NOL10: variants seen among roughly 807,000 people sequenced by gnomAD.
The protein encoded by NOL10 is H_NH0074G24.1.
Under a neutral mutation model 103.5 loss-of-function variants are expected in NOL10, and 58 were observed. That is an observed-to-expected ratio of 0.56 (90% CI 0.45 to 0.70). The LOEUF (loss-of-function observed/expected upper bound fraction) is 0.70. Ranked by LOEUF, NOL10 falls within the 30% of genes least tolerant of loss-of-function variation. The pLI, the probability that NOL10 is intolerant of heterozygous loss-of-function variation, is 0.00. For synonymous variants in NOL10, 287 were observed against 282.5 expected (o/e 1.02, Z -0.16); for missense variants, 763 against 807.3 (o/e 0.95, Z 0.67).
At chr2:10,578,478 A>T (rs1434001904) in intron 19 of NOL10, among the ~76,000 whole-genome samples, 1 of 152,104 alleles carries the variant, frequency 6.6e-6, no homozygotes, top group African/African-American at 2.4e-5. Context: ...ATCTCATTTC[A>T]TTTCTTGATC....
chr2:10,597,097 A>G (rs1036906230), intron 17 of NOL10, among the ~76,000 whole-genome samples: 1 of 152,162 alleles, frequency 6.6e-6, no homozygotes, highest in African/African-American at 2.4e-5. Context: ...AGCCACCCAA[A>G]GTATTGGGAA....
chr2:10,605,673 C>T (rs1317885513), intron 14 of NOL10, among the ~76,000 whole-genome samples: 5 of 151,822 alleles, frequency 3.3e-5, no homozygotes, highest in African/African-American at 9.7e-5. Context: ...TTTAAAAAAT[C>T]CATAAAAGAA....
chr2:10,586,850 T>C (rs1166711085), intron 19 of NOL10, among the ~76,000 whole-genome samples: 1 of 151,382 alleles, frequency 6.6e-6, no homozygotes, highest in East Asian at 1.9e-4. Context: ...ACATACAAAA[T>C]ATGTGGTAAT....
chr2:10,617,257 G>A (rs1023048643), intron 13 of NOL10, among the ~76,000 whole-genome samples: 16 of 152,152 alleles, frequency 1.1e-4, no homozygotes, highest in Non-Finnish European at 5.9e-5. Context: ...GCATGTTTGT[G>A]GATCAGTAAA....
intron 2 of NOL10, among the ~76,000 whole-genome samples, chr2:10,683,392 G>A (rs1222947146): frequency 1.3e-5 from 2 of 152,130 alleles, no homozygotes; most frequent in Non-Finnish European, 2.9e-5. Context: ...AACCCTACAT[G>A]TAAAATTCCT....
At chr2:10,634,375 T>C (rs1678047576) in intron 13 of NOL10, among the ~76,000 whole-genome samples, 1 of 152,110 alleles carries the variant, frequency 6.6e-6, no homozygotes, top group South Asian at 2.1e-4. Context: ...GCTCTAAGCC[T>C]AGACAGCCGA....
At chr2:10,655,339 G>A (rs1679773427) in intron 11 of NOL10, among the ~76,000 whole-genome samples, 1 of 152,088 alleles carries the variant, frequency 6.6e-6, no homozygotes, top group Non-Finnish European at 1.5e-5. Context: ...ACCAATCAGA[G>A]GAGAGAGATG....
intron 19 of NOL10, among the ~76,000 whole-genome samples, chr2:10,588,585 A>C (rs1675235761): frequency 6.6e-6 from 1 of 152,226 alleles, no homozygotes; most frequent in South Asian, 2.1e-4. Flanking sequence ...AAGAAGCAGA[A>C]AAGTTGTCAT....
intron 4 of NOL10, 121 bp downstream of exon 4, chr2:10,675,673 A>G (rs1020652370): frequency 1.7e-6 from 1 of 595,216 alleles, no homozygotes; most frequent in Admixed American, 3.2e-5. Flanking sequence ...TCGGGATTGT[A>G]GTACAGTAAT....
rs573282506 is a variant in NOL10 at position 10,689,952 on chromosome 2, G to A, written c.-91C>T. On this transcript the variant is annotated 5_prime_UTR_variant, in exon 1 of 21. Coordinates refer to ENST00000381685, the MANE Select transcript of NOL10 (RefSeq NM_024894.4). ...CGGGACCTCCGAGCCCCTGCTCCGCGGCGTGCGGCCGCTGGCGCCGACTGA... is the reference window on the plus strand; with the variant it reads ...CGGGACCTCCGAGCCCCTGCTCCGCAGCGTGCGGCCGCTGGCGCCGACTGA... The A allele has an allele frequency of 1.1e-4, 141 of 1,262,642 alleles. No individual in the cohort carries two copies. In the African/African-American group the frequency reaches 1.9e-3, roughly 17 times the overall value. 78.2% of individuals were successfully genotyped at this position (1,262,642 alleles called of 1,614,324 possible).
intron 16 of NOL10, among the ~76,000 whole-genome samples, chr2:10,601,837 G>T (rs534460913): frequency 6.6e-6 from 1 of 152,226 alleles, no homozygotes; most frequent in South Asian, 2.1e-4. Context: ...TCTTTTAACA[G>T]TCTGGAAAAA....
intron 12 of NOL10, among the ~76,000 whole-genome samples, chr2:10,651,429 A>G (rs1250576065): frequency 6.6e-6 from 1 of 152,134 alleles, no homozygotes; most frequent in African/African-American, 2.4e-5. Flanking sequence ...TAAAAATGGT[A>G]AAATTAATTT....
chr2:10,591,459 G>A lies in NOL10; in HGVS notation c.1423-1708C>T, dbSNP rs112345896. Among the ~76,000 whole-genome samples, 937 of 152,278 alleles carry A rather than the reference G, an allele frequency of 6.2e-3. 11 individuals are homozygous for A. Among genetic ancestry groups the A allele is most frequent in the African/African-American group, 0.021 (875 of 41,544 alleles). On this transcript the variant is annotated intron_variant, in intron 17 of 20. Transcript: ENST00000381685. ...ATCTGAAGAAACAGCATTTCCAGCC[G>A]ATGGGAGTGGTGAATAGTCTGGCGA... is the stretch of plus-strand genomic sequence containing the variant.
intron 17 of NOL10, among the ~76,000 whole-genome samples, chr2:10,596,453 G>A (rs919806046): frequency 1.3e-5 from 2 of 152,144 alleles, no homozygotes; most frequent in East Asian, 3.8e-4. Flanking sequence ...ATGAGAGACA[G>A]TGACAGATCA....
At chr2:10,605,906 A>G (rs1037523286) in intron 14 of NOL10, among the ~76,000 whole-genome samples, 2 of 152,224 alleles carry the variant, frequency 1.3e-5, no homozygotes, top group Non-Finnish European at 2.9e-5. Flanking sequence ...AGGAAGTTTA[A>G]TTAATCTAAT....
In NOL10 at chr2:10,589,016, A is replaced by G. The variant is rs373577766; in HGVS notation, c.1844+27T>C. On this transcript the variant is annotated intron_variant, in intron 19 of 20. Transcript: ENST00000381685. ...AAAGCAAGGGCTTGGTTACATGTCA[A>G]CTGTGCGCTCAGGCAGTGCTACTCA... 107 of 1,610,960 alleles carry G rather than the reference A, an allele frequency of 6.6e-5. No homozygotes were observed. The African/African-American group carries it at 1.3e-3, about 19-fold the overall frequency.
intron 19 of NOL10, among the ~76,000 whole-genome samples, chr2:10,581,900 C>A (rs888306342): frequency 6.6e-6 from 1 of 152,006 alleles, no homozygotes; most frequent in Non-Finnish European, 1.5e-5. Context: ...TGAACACATA[C>A]GGGAATGAAT....
chr2:10,616,260 G>A lies in NOL10; in HGVS notation c.1027-8949C>T, dbSNP rs1347868834. ...TTTTTTTTTTTTGAGGCAGAGTCTT[G>A]CTCTGTCACCCAGGTTGGAGTGCAG... On this transcript the variant is annotated intron_variant, in intron 13 of 20. Transcript: ENST00000381685. Among the ~76,000 whole-genome samples the A allele has an allele frequency of 5.1e-5, 6 of 117,080 alleles. No individual in the cohort carries two copies. The Admixed American group carries it at 5.8e-4, about 11-fold the overall frequency. 76.8% of individuals were successfully genotyped at this position (117,080 alleles called of 152,430 possible).
intron 13 of NOL10, among the ~76,000 whole-genome samples, chr2:10,610,213 T>C (rs1363573684): frequency 6.6e-6 from 1 of 152,138 alleles, no homozygotes; most frequent in Admixed American, 6.6e-5. Context: ...ATCATAAACA[T>C]GGGCTTCAAA....
Sources: allele counts gnomAD v4.1 joint callset (sites outside exome capture counted in the v4.1 genomes callset), GRCh38; gene constraint gnomAD v4.1.1; transcripts MANE v1.5; gene names NCBI Gene and HGNC (gene_info 2026-07-23, HGNC 2026-07-21).